Variants in TMEM178A observed in about 807,000 individuals in gnomAD.
TMEM178A encodes the protein transmembrane protein 178A.
A neutral mutation model predicts 29.1 loss-of-function variants in TMEM178A; 12 were observed. That is an observed-to-expected ratio of 0.41 (90% CI 0.26 to 0.67). The LOEUF (loss-of-function observed/expected upper bound fraction) is 0.67, where lower values mean the gene tolerates loss of function less well. Ranked by LOEUF, TMEM178A falls within the 30% of genes least tolerant of loss-of-function variation. The pLI is 0.29. For synonymous variants in TMEM178A, 210 were observed against 187.2 expected (o/e 1.12, Z -0.99); for missense variants, 366 against 419.1 (o/e 0.87, Z 1.11).
At chr2:39,708,770 T>G in intron 3 of TMEM178A, among the ~76,000 whole-genome samples, 1 of 152,286 alleles carries the variant, frequency 6.6e-6, no homozygotes, top group Middle Eastern at 3.4e-3. Flanking sequence ...GGCTAGGATT[T>G]TTTTGACTAA....
chr2:39,728,853 T>C, the TMEM178A span, among the ~76,000 whole-genome samples: 1 of 152,146 alleles, frequency 6.6e-6, no homozygotes, highest in Non-Finnish European at 1.5e-5. Context: ...TCAAAATCTT[T>C]GGGAGGCCAA....
intron 1 of TMEM178A, among the ~76,000 whole-genome samples, chr2:39,701,728 C>G (rs763943382): frequency 6.6e-6 from 1 of 152,026 alleles, no homozygotes; most frequent in Non-Finnish European, 1.5e-5. Flanking sequence ...TTTAAATCAT[C>G]CTTTGTTCTT....
intron 3 of TMEM178A, among the ~76,000 whole-genome samples, chr2:39,716,233 C>T (rs1672529235): frequency 6.6e-6 from 1 of 152,164 alleles, no homozygotes; most frequent in Non-Finnish European, 1.5e-5. Context: ...CACCTATATC[C>T]ACATGAATTG....
At chr2:39,686,560 C>G (rs1295098517) in intron 1 of TMEM178A, among the ~76,000 whole-genome samples, 1 of 151,974 alleles carries the variant, frequency 6.6e-6, no homozygotes, top group African/African-American at 2.4e-5. Context: ...ATGTTTTCCC[C>G]TTGGGTTGAG....
chr2:39,723,264 C>T, the TMEM178A span, among the ~76,000 whole-genome samples: 2 of 152,178 alleles, frequency 1.3e-5, no homozygotes, highest in Non-Finnish European at 1.5e-5. Context: ...AGGTAAAACA[C>T]ATTGCACTTA....
chr2:39,665,987 G>A lies in TMEM178A; in HGVS notation c.13G>A (p.Ala5Thr). 1 of 1,402,762 alleles carries A rather than the reference G, an allele frequency of 7.1e-7. No individual in the cohort carries two copies. Among genetic ancestry groups the A allele is most frequent in the South Asian group, 1.7e-5 (1 of 59,300 alleles). The allele number at this position is 1,402,762 out of a possible 1,614,324, so 86.9% of individuals were successfully genotyped here. A position where few individuals can be genotyped will look rare whatever the true frequency, so the allele number is the denominator to read the frequency against. Residue 5 changes from alanine (A) to threonine (T), a missense_variant, in exon 1 of 4, where the codon GCG (alanine) becomes ACG (threonine). This residue lies in a region of TMEM178A where 247 missense variants were observed against 246.8 expected (regional missense o/e 1.00). Transcript: ENST00000281961. MEPR[A>T]LVTALSLGLS... ...GGGGCGGGAAGCCATGGAGCCGCGG[G>A]CGCTCGTCACGGCGCTCAGCCTCGG...
chr2:39,727,629 C>G, the TMEM178A span, among the ~76,000 whole-genome samples: 1 of 152,090 alleles, frequency 6.6e-6, no homozygotes, highest in South Asian at 2.1e-4. Flanking sequence ...AGGTTCGTTA[C>G]GTAGGTATAC....
intron 3 of TMEM178A, among the ~76,000 whole-genome samples, chr2:39,715,844 C>T (rs1672511061): frequency 6.6e-6 from 1 of 152,242 alleles, no homozygotes; most frequent in East Asian, 1.9e-4. Flanking sequence ...ATTTGTTTTT[C>T]TGCTAGCATT....
chr2:39,669,234 C>T (rs192064433), intron 1 of TMEM178A, among the ~76,000 whole-genome samples: 1 of 152,144 alleles, frequency 6.6e-6, no homozygotes, highest in Non-Finnish European at 1.5e-5. Context: ...TTCTCTGGAC[C>T]TAGAGGGCAA....
At chr2:39,731,626 C>G in the TMEM178A span, among the ~76,000 whole-genome samples, 1 of 152,174 alleles carries the variant, frequency 6.6e-6, no homozygotes, top group East Asian at 1.9e-4. Flanking sequence ...GACCCAAATA[C>G]CCCTACTAGG....
At chr2:39,699,613 T>C (rs1572680186) in intron 1 of TMEM178A, among the ~76,000 whole-genome samples, 1 of 151,972 alleles carries the variant, frequency 6.6e-6, no homozygotes, top group African/African-American at 2.4e-5. Context: ...CGTGCCATCA[T>C]GCCTGGCTAA....
intron 1 of TMEM178A, among the ~76,000 whole-genome samples, chr2:39,671,733 A>G (rs538872950): frequency 3.5e-4 from 53 of 152,340 alleles, no homozygotes; most frequent in African/African-American, 1.2e-3. Flanking sequence ...CTAGAAGTTC[A>G]ACCATTTTCA....
At chr2:39,666,882 A>G (rs557376215) in intron 1 of TMEM178A, among the ~76,000 whole-genome samples, 3 of 152,294 alleles carry the variant, frequency 2.0e-5, no homozygotes, top group East Asian at 3.9e-4. Flanking sequence ...CTTTGCCTGT[A>G]TTGTGCGGAT....
chr2:39,669,733 G>A (rs1300013954), intron 1 of TMEM178A, among the ~76,000 whole-genome samples: 2 of 152,194 alleles, frequency 1.3e-5, no homozygotes, highest in Non-Finnish European at 2.9e-5. Flanking sequence ...TTTAAACATA[G>A]TTATTTTTCT....
At chr2:39,714,121 A>T (rs1385344019) in intron 3 of TMEM178A, among the ~76,000 whole-genome samples, 1 of 152,142 alleles carries the variant, frequency 6.6e-6, no homozygotes, top group Non-Finnish European at 1.5e-5. Flanking sequence ...TTTTCTTGTC[A>T]TTCTTTCCTG....
intron 1 of TMEM178A, among the ~76,000 whole-genome samples, chr2:39,685,223 C>G (rs1039721467): frequency 1.3e-5 from 2 of 152,144 alleles, no homozygotes; most frequent in Admixed American, 1.3e-4. Flanking sequence ...GTGATGCCCC[C>G]TTACTCTCCA....
In TMEM178A at chr2:39,705,784, C is replaced by G. The variant is rs561622991; in HGVS notation, c.515-1265C>G. Among the ~76,000 whole-genome samples the G allele has an allele frequency of 1.6e-4, 25 of 152,314 alleles. No homozygotes were observed. The East Asian group carries it at 4.8e-3, about 29-fold the overall frequency. The stretch of plus-strand genomic sequence containing the variant: ...AAAGTGATGGCTGCATGGGCACTTT[C>G]ACTTTAGCAGAGCAGCCCACACTTC... On this transcript the variant is annotated intron_variant, in intron 2 of 3. Transcript: ENST00000281961.
chr2:39,671,284 T>C (rs1196944073), intron 1 of TMEM178A, among the ~76,000 whole-genome samples: 1 of 152,240 alleles, frequency 6.6e-6, no homozygotes, highest in Non-Finnish European at 1.5e-5. Context: ...AAATTAATAG[T>C]CTGCACAGGA....
chr2:39,717,103 A>AT lies in TMEM178A; in HGVS notation c.747dup (p.Val250CysfsTer33). The AT allele has an allele frequency of 1.2e-6, 2 of 1,612,228 alleles. No individual in the cohort carries two copies. Among genetic ancestry groups the AT allele is most frequent in the Non-Finnish European group, 1.7e-6 (2 of 1,179,766 alleles). Reference sequence around the variant, plus strand: ...AAGCTAATTTATAGCCTGCCTGCTGATGTGGAACATGGTTACAGCTGGTCC... The same window carrying AT: ...AAGCTAATTTATAGCCTGCCTGCTGATTGTGGAACATGGTTACAGCTGGTCC... On this transcript the variant is annotated frameshift_variant, in exon 4 of 4. Transcript: ENST00000281961. LOFTEE classifies it high-confidence loss of function.
Sources: gnomAD v4.1 joint callset for allele counts (sites outside exome capture counted in the v4.1 genomes callset) on GRCh38, gnomAD v4.1.1 for gene constraint, gnomAD v4.1.1 regional missense constraint, MANE v1.5 for transcripts, NCBI Gene and HGNC (gene_info 2026-07-23, HGNC 2026-07-21) for gene names.